The following OPA1 variants were observed in gnomAD, a reference collection of about 807,000 sequenced individuals.
OPA1 encodes the protein dynamin-like GTPase OPA1, mitochondrial.
A neutral mutation model predicts 152.9 loss-of-function variants in OPA1; 59 were observed. The observed-to-expected ratio is 0.39, with a 90% CI of 0.31 to 0.48. The LOEUF is 0.48. Ranked by LOEUF, OPA1 falls within the 20% of genes least tolerant of loss-of-function variation. OPA1 has a pLI of 0.96. For missense variants in OPA1, 1,008 were observed against 1,216.8 expected, an observed-to-expected ratio of 0.83 and a Z score of 2.55; for synonymous variants, 400 against 389.9, an observed-to-expected ratio of 1.03 and a Z score of -0.31.
intron 29 of OPA1, among the ~76,000 whole-genome samples, chr3:193,672,591 G>A (rs775859119): frequency 3.9e-5 from 6 of 152,076 alleles, no homozygotes; most frequent in Non-Finnish European, 2.9e-5. Context: ...AGTCTTGGCC[G>A]GATGCGGTGC....
intron 8 of OPA1, among the ~76,000 whole-genome samples, chr3:193,632,723 T>G (rs1229623737): frequency 6.6e-6 from 1 of 151,724 alleles, no homozygotes; most frequent in East Asian, 1.9e-4. Context: ...TTTTTAAAAA[T>G]TAGCCAGGTG....
chr3:193,612,168 A>G (rs1052447089), intron 1 of OPA1, among the ~76,000 whole-genome samples: 2 of 152,006 alleles, frequency 1.3e-5, no homozygotes, highest in Non-Finnish European at 2.9e-5. Context: ...GTCCTTCACA[A>G]TGGGGCTAAG....
chr3:193,644,415 G>C (rs564026020), intron 16 of OPA1, among the ~76,000 whole-genome samples: 5 of 152,070 alleles, frequency 3.3e-5, no homozygotes, highest in African/African-American at 9.6e-5. Flanking sequence ...TAGTCATTTC[G>C]GCACCCTCAT....
intron 13 of OPA1, 76 bp downstream of exon 13, chr3:193,643,125 G>A: frequency 1.6e-6 from 2 of 1,245,262 alleles, no homozygotes; most frequent in African/African-American, 1.5e-5. Context: ...CAAAATCTAG[G>A]TATTGATGTT....
At chr3:193,658,121 T>A (rs184510501) in intron 23 of OPA1, among the ~76,000 whole-genome samples, 14 of 151,920 alleles carry the variant, frequency 9.2e-5, no homozygotes, top group African/African-American at 3.1e-4. Context: ...GGTGCATGCC[T>A]GTAATCCCAG....
intron 26 of OPA1, 85 bp downstream of exon 26, chr3:193,663,047 A>G: frequency 3.6e-6 from 5 of 1,377,090 alleles, no homozygotes; most frequent in Non-Finnish European, 5.1e-6. Context: ...TTAGTTAGAT[A>G]TTTAAGTGCT....
intron 6 of OPA1, among the ~76,000 whole-genome samples, 154 bp downstream of exon 6, chr3:193,619,090 G>T (rs1372148159): frequency 6.6e-6 from 1 of 152,188 alleles, no homozygotes; most frequent in African/African-American, 2.4e-5. Flanking sequence ...CAAAGTACAA[G>T]GTATTACGTG....
chr3:193,669,268 T>C (rs1480740597), intron 29 of OPA1, among the ~76,000 whole-genome samples: 2 of 152,242 alleles, frequency 1.3e-5, no homozygotes, highest in Non-Finnish European at 2.9e-5. Context: ...TAATCTAAGT[T>C]CTGCATTGCT....
intron 1 of OPA1, among the ~76,000 whole-genome samples, chr3:193,596,365 ATTTTC>A (rs71179314): frequency 8.2e-4 from 56 of 68,090 alleles, no homozygotes; most frequent in African/African-American, 1.5e-3. Context: ...TCTTTTCTTA[ATTTTC>A]TTTTCTTTTC....
chr3:193,600,725 C>T (rs1468984891), intron 1 of OPA1, among the ~76,000 whole-genome samples: 2 of 152,168 alleles, frequency 1.3e-5, no homozygotes, highest in Admixed American at 1.3e-4. Flanking sequence ...TAATACAAGT[C>T]ATAATAACTT....
At chr3:193,649,932 T>C (rs566281157) in intron 21 of OPA1, among the ~76,000 whole-genome samples, 3 of 152,338 alleles carry the variant, frequency 2.0e-5, no homozygotes, top group East Asian at 3.9e-4. Context: ...CAAAGAGATA[T>C]ATAGGTTTAC....
At chr3:193,657,648 T>G (rs934738181) in intron 23 of OPA1, among the ~76,000 whole-genome samples, 4 of 152,218 alleles carry the variant, frequency 2.6e-5, no homozygotes, top group Admixed American at 6.5e-5. Flanking sequence ...ATGTATTGAA[T>G]GCTTACTATG....
chr3:193,657,572 A>C (rs986802110), intron 23 of OPA1, among the ~76,000 whole-genome samples: 1 of 152,232 alleles, frequency 6.6e-6, no homozygotes, highest in Non-Finnish European at 1.5e-5. Flanking sequence ...AATGAAAGGA[A>C]CTACATGCGT....
At chr3:193,665,483 A>C (rs1334079028) in intron 27 of OPA1, among the ~76,000 whole-genome samples, 1 of 152,100 alleles carries the variant, frequency 6.6e-6, no homozygotes, top group Non-Finnish European at 1.5e-5. Context: ...AGGTGTCATA[A>C]TTATTTCTTC....
In OPA1 at chr3:193,593,312, G is replaced by A. The variant is rs1404541593; in HGVS notation, c.-66G>A. 5 of 1,507,398 alleles carry A rather than the reference G, an allele frequency of 3.3e-6. No individual in the cohort carries two copies. Among genetic ancestry groups the A allele is most frequent in the Non-Finnish European group, 4.5e-6 (5 of 1,121,076 alleles). The allele number at this position is 1,507,398 out of a possible 1,614,324, so 93.4% of individuals were successfully genotyped here. A position where few individuals can be genotyped will look rare whatever the true frequency, so the allele number is the denominator to read the frequency against. ...GGGTCATTCCTGGACCGGGAGCCGG[G>A]CTGGGGCTCACACGGGGGCTCCCGC... On this transcript the variant is annotated 5_prime_UTR_variant, in exon 1 of 31. Coordinates refer to ENST00000361510, the MANE Select transcript of OPA1 (RefSeq NM_130837.3).
intron 1 of OPA1, among the ~76,000 whole-genome samples, chr3:193,596,306 T>TTTCCTTTCC (rs1725498335): frequency 1.7e-3 from 174 of 105,358 alleles, no homozygotes; most frequent in African/African-American, 6.5e-3. Context: ...TTTTCTTTTC[T>TTTCCTTTCC]TTTCCTTTCC....
rs187681219 is a variant in OPA1, at chr3:193,597,369, C to T, written c.32+3960C>T. ...GCCATTGGAAGCCTATGGTGCCCTC[C>T]GTAAGAGCTGTTTCGCTGAAGTGAT... On this transcript the variant is annotated intron_variant, in intron 1 of 30. Coordinates refer to ENST00000361510, the MANE Select transcript of OPA1 (RefSeq NM_130837.3). 4.0e-3 allele frequency among the ~76,000 whole-genome samples: 611 copies of T among 152,182 alleles called. 4 individuals are homozygous for T. Among genetic ancestry groups the T allele is most frequent in the African/African-American group, 0.014 (569 of 41,506 alleles).
intron 9 of OPA1, 92 bp downstream of exon 9, chr3:193,635,614 C>T: frequency 1.3e-6 from 1 of 787,044 alleles, no homozygotes; most frequent in East Asian, 2.5e-5. Context: ...GTAAAGTATT[C>T]TGTCATCCTT....
At chr3:193,689,269 C>T (rs1288969413) in intron 29 of OPA1, 1 of 152,138 alleles carries the variant, frequency 6.6e-6, no homozygotes, top group Non-Finnish European at 1.5e-5. Context: ...TTAAAGGATA[C>T]ATTTATCATA....
Sources: allele counts gnomAD v4.1 joint callset (sites outside exome capture counted in the v4.1 genomes callset), GRCh38; gene constraint gnomAD v4.1.1; transcripts MANE v1.5; gene names NCBI Gene and HGNC (gene_info 2026-07-23, HGNC 2026-07-21).